HEBP1: variants seen among roughly 807,000 people sequenced by gnomAD.
The protein encoded by HEBP1 is heme binding protein 1.
HEBP1 carries 13 observed loss-of-function variants against 20.4 expected under a neutral mutation model. The ratio of observed to expected loss-of-function variants is 0.64; its 90% CI spans 0.42 to 1.01. HEBP1 has a LOEUF of 1.01. Among genes scored for constraint, HEBP1 ranks in the 50% least tolerant of loss-of-function variants. The pLI is 0.00. For missense variants in HEBP1, 241 were observed against 247.3 expected (o/e 0.97, Z 0.17); for synonymous variants, 92 against 90.7 (o/e 1.01, Z -0.08).
intron 3 of HEBP1, among the ~76,000 whole-genome samples, chr12:12,978,039 A>G (rs937255778): frequency 2.6e-5 from 4 of 152,148 alleles, no homozygotes; most frequent in African/African-American, 9.7e-5. Context: ...AAGTGGTTAC[A>G]TAAGTTTCAC....
intron 3 of HEBP1, chr12:12,983,950 A>G (rs1864118483): frequency 3.1e-6 from 1 of 319,382 alleles, no homozygotes; most frequent in Admixed American, 4.3e-5. Flanking sequence ...AAAAGGACCA[A>G]CAAACCAACT....
Position 12,996,974 on chromosome 12 carries a change from C to T in HEBP1, c.78+3063G>A, listed in dbSNP as rs1864298139. ...AGAAAGAATGAAGCTGAGATGAGCA[C>T]TGATATAATGCTATTACTATATTTG... On this transcript the variant is annotated intron_variant, in intron 1 of 3. Coordinates refer to ENST00000014930, the MANE Select transcript of HEBP1 (RefSeq NM_015987.5). The surrounding 1 kb of genome is among the most constrained non-coding windows in gnomAD (Gnocchi z 4.1). Among the ~76,000 whole-genome samples, 1 of 152,168 alleles carries T rather than the reference C, an allele frequency of 6.6e-6. No homozygotes were observed. The highest frequency in any genetic ancestry group is 6.5e-5 in the Admixed American group (1 of 15,288).
intron 1 of HEBP1, among the ~76,000 whole-genome samples, chr12:12,989,765 AGT>A (rs1442663498): frequency 5.0e-5 from 3 of 60,566 alleles, no homozygotes; most frequent in Non-Finnish European, 6.2e-5. Flanking sequence ...TGGAAGATAA[AGT>A]TAAACAGGAG....
chr12:12,978,754 A>G (rs1175667006), intron 3 of HEBP1, among the ~76,000 whole-genome samples: 2 of 152,158 alleles, frequency 1.3e-5, no homozygotes, highest in African/African-American at 4.8e-5. Flanking sequence ...GCCTCTGGGT[A>G]GAAGAAGATG....
At chr12:12,997,965 G>T (rs1864311768) in intron 1 of HEBP1, among the ~76,000 whole-genome samples, 1 of 152,164 alleles carries the variant, frequency 6.6e-6, no homozygotes, top group Admixed American at 6.5e-5. Flanking sequence ...CATTGCCCAG[G>T]GAGGCGGATA....
chr12:12,982,887 T>C (rs1864104542), intron 3 of HEBP1, among the ~76,000 whole-genome samples: 1 of 152,214 alleles, frequency 6.6e-6, no homozygotes, highest in South Asian at 2.1e-4. Flanking sequence ...TTACTGAGTG[T>C]CTACCTCATG....
At chr12:12,984,259 AAAG>A (rs762913860) in intron 3 of HEBP1, 3 of 155,122 alleles carry the variant, frequency 1.9e-5, no homozygotes, top group South Asian at 2.0e-4. Context: ...GCAGGTAATA[AAAG>A]AAGAAGGAGA....
At position 12,998,030 on chromosome 12, in the gene HEBP1, A is replaced by T. The variant is rs2136553660; in HGVS notation, c.78+2007T>A. ...CCTTTGGATGCTCACAGCAGGACTG[A>T]TATTAATAACTGGCATCCTTATTGC... On this transcript the variant is annotated intron_variant, in intron 1 of 3. Coordinates refer to ENST00000014930, the MANE Select transcript of HEBP1 (RefSeq NM_015987.5). This position sits in a 1 kb window ranked among gnomAD's most constrained non-coding sequence, Gnocchi z 4.2. Among the ~76,000 whole-genome samples, 1 of 152,174 alleles carries T rather than the reference A, an allele frequency of 6.6e-6. No individual in the cohort carries two copies. Among genetic ancestry groups the T allele is most frequent in the African/African-American group, 2.4e-5 (1 of 41,518 alleles).
chr12:12,997,067 T>C (rs1864299341), intron 1 of HEBP1, among the ~76,000 whole-genome samples: 1 of 152,218 alleles, frequency 6.6e-6, no homozygotes, highest in Non-Finnish European at 1.5e-5. Flanking sequence ...ATAGTAACTC[T>C]GGAAATAGAT....
chr12:12,998,715 C>G lies in HEBP1; in HGVS notation c.78+1322G>C, dbSNP rs974436082. On this transcript the variant is annotated intron_variant, in intron 1 of 3. Transcript: ENST00000014930. This position sits in a 1 kb window ranked among gnomAD's most constrained non-coding sequence, Gnocchi z 4.2. ...TGTACTAGGTATCAGAACTTGGCCC[C>G]CAGGCAATACAGTCCTTTCACAAAT... 3.9e-5 allele frequency among the ~76,000 whole-genome samples: 6 copies of G among 152,172 alleles called. No individual in the cohort carries two copies. Among genetic ancestry groups the G allele is most frequent in the Admixed American group, 1.3e-4 (2 of 15,282 alleles).
chr12:12,997,517 G>A (rs554360709), intron 1 of HEBP1, among the ~76,000 whole-genome samples: 30 of 152,274 alleles, frequency 2.0e-4, no homozygotes, highest in African/African-American at 6.5e-4. Context: ...CCACAGAGAA[G>A]CTCCTAGTAG....
rs542777709 is a variant in HEBP1 at position 12,992,627 on chromosome 12, C to T, written c.79-3212G>A. Among the ~76,000 whole-genome samples, 21 of 152,282 alleles carry T rather than the reference C, an allele frequency of 1.4e-4. 1 individual carries two copies. In the South Asian group the frequency reaches 3.9e-3, roughly 29 times the overall value. On this transcript the variant is annotated intron_variant, in intron 1 of 3. Transcript: ENST00000014930. ...CAAGTCAGCCTTGACTGTGGGGCAC[C>T]GTGCTGAATCATTCTGAGGCTGCTG...
chr12:12,977,668 T>G (rs1303172986), intron 3 of HEBP1: 2 of 152,216 alleles, frequency 1.3e-5, no homozygotes, highest in African/African-American at 4.8e-5. Flanking sequence ...CTTTCTCAAT[T>G]AGGCCTATTC....
At chr12:12,995,034 T>A (rs1209220416) in intron 1 of HEBP1, among the ~76,000 whole-genome samples, 1 of 152,208 alleles carries the variant, frequency 6.6e-6, no homozygotes, top group Non-Finnish European at 1.5e-5. Context: ...CAGCACCTGC[T>A]CTGCAGCTTT....
Position 12,975,392 on chromosome 12 carries a change from C to A in HEBP1, c.486G>T (p.Arg162=). The A allele has an allele frequency of 6.2e-7, 1 of 1,613,842 alleles. No homozygotes were observed. Among genetic ancestry groups the A allele is most frequent in the South Asian group, 1.1e-5 (1 of 91,070 alleles). The change falls in exon 4 of 4, where the codon CGG becomes CGT. Residue 162 remains arginine (R), a synonymous_variant. Coordinates refer to ENST00000014930, the MANE Select transcript of HEBP1 (RefSeq NM_015987.5). ...AACCCGTGCAGAAGTAGATGTCCCC[C>A]CGGTAGGTGGCTGTGCCCTCCAGGG... is the stretch of plus-strand genomic sequence containing the variant. ...RAALEGTATY[R]GDIYFCTGYD...
chr12:12,990,161 CAT>C (rs1864204700), intron 1 of HEBP1, among the ~76,000 whole-genome samples: 2 of 145,052 alleles, frequency 1.4e-5, no homozygotes, highest in South Asian at 2.2e-4. Flanking sequence ...AACACACACA[CAT>C]GTATTTTATT....
chr12:12,992,088 C>A (rs982913976), intron 1 of HEBP1, among the ~76,000 whole-genome samples: 1 of 152,204 alleles, frequency 6.6e-6, no homozygotes, highest in Non-Finnish European at 1.5e-5. Flanking sequence ...ATATCCTAGA[C>A]TGAAGATTCA....
At chr12:12,989,767 T>TTAAA (rs1030876204) in intron 1 of HEBP1, among the ~76,000 whole-genome samples, 4 of 56,124 alleles carry the variant, frequency 7.1e-5, no homozygotes, top group Non-Finnish European at 2.7e-4. Flanking sequence ...GAAGATAAAG[T>TTAAA]TAAACAGGAG....
At chr12:12,993,893 C>G (rs369517461) in intron 1 of HEBP1, among the ~76,000 whole-genome samples, 28 of 152,112 alleles carry the variant, frequency 1.8e-4, no homozygotes, top group Non-Finnish European at 3.7e-4. Context: ...AGGAAAGGAC[C>G]ACTTAGGTTA....
Sources: gnomAD v4.1 joint callset for allele counts (sites outside exome capture counted in the v4.1 genomes callset) on GRCh38, gnomAD v4.1.1 for gene constraint, Gnocchi (gnomAD v3.1) non-coding constraint, MANE v1.5 for transcripts, NCBI Gene and HGNC (gene_info 2026-07-23, HGNC 2026-07-21) for gene names.